Variants in SCARA5 observed in about 807,000 individuals in gnomAD.
SCARA5 encodes the protein scavenger receptor class A, member 5 (putative).
In SCARA5, 45 loss-of-function variants were observed where a neutral mutation model predicts 46.3. That is an observed-to-expected ratio of 0.97 (90% CI 0.76 to 1.24). SCARA5 has a LOEUF of 1.24. SCARA5 is among the 50% of genes most tolerant of loss of function. The probability of loss-of-function intolerance (pLI) is 0.00; values close to 1 mark genes in which losing one functional copy is unlikely to be tolerated. For missense variants in SCARA5, 680 were observed against 689.0 expected (o/e 0.99, Z 0.15); for synonymous variants, 333 against 306.5 (o/e 1.09, Z -0.90).
chr8:27,983,917 C>G (rs1162243908), intron 2 of SCARA5, among the ~76,000 whole-genome samples: 1 of 152,152 alleles, frequency 6.6e-6, no homozygotes, highest in East Asian at 1.9e-4. Context: ...AGTGCCATCT[C>G]TCCTCCCCTC....
chr8:27,908,140 G>C (rs1485078406), intron 5 of SCARA5, among the ~76,000 whole-genome samples: 1 of 133,480 alleles, frequency 7.5e-6, no homozygotes, highest in Admixed American at 8.6e-5. Flanking sequence ...GGGCTTACTG[G>C]TACTTAGGGA....
chr8:27,988,835 A>G (rs923490165), intron 1 of SCARA5, among the ~76,000 whole-genome samples: 1 of 152,204 alleles, frequency 6.6e-6, no homozygotes, highest in African/African-American at 2.4e-5. Context: ...TTTAGAAGAT[A>G]AAAGCCCCAT....
At chr8:27,931,003 G>T (rs1563530077) in intron 3 of SCARA5, among the ~76,000 whole-genome samples, 1 of 152,204 alleles carries the variant, frequency 6.6e-6, no homozygotes, top group Admixed American at 6.5e-5. Flanking sequence ...AAAGGGAGGG[G>T]CCTTCCTTCA....
chr8:27,898,972 A>T (rs1807108502), intron 7 of SCARA5, among the ~76,000 whole-genome samples: 1 of 152,298 alleles, frequency 6.6e-6, no homozygotes, highest in Admixed American at 6.5e-5. Context: ...CCATCCCCAT[A>T]CCTGGCCCTC....
chr8:27,914,738 G>T (rs561464861), intron 4 of SCARA5, among the ~76,000 whole-genome samples: 2 of 152,246 alleles, frequency 1.3e-5, no homozygotes, highest in African/African-American at 2.4e-5. Flanking sequence ...GGAGGAGCAG[G>T]GTCCTGGGGT....
At chr8:27,889,547 C>G (rs574825059) in intron 7 of SCARA5, among the ~76,000 whole-genome samples, 1 of 152,358 alleles carries the variant, frequency 6.6e-6, no homozygotes, top group South Asian at 2.1e-4. Context: ...TCTCCATCTA[C>G]ACCCTCCTTT....
chr8:27,911,697 A>G (rs1241476740), intron 4 of SCARA5, among the ~76,000 whole-genome samples: 1 of 152,222 alleles, frequency 6.6e-6, no homozygotes, highest in Non-Finnish European at 1.5e-5. Flanking sequence ...GTCTCCAAAA[A>G]AAAAGAAAGA....
At chr8:27,899,296 GC>G (rs1334671922) in intron 7 of SCARA5, among the ~76,000 whole-genome samples, 2 of 152,184 alleles carry the variant, frequency 1.3e-5, no homozygotes, top group Non-Finnish European at 2.9e-5. Flanking sequence ...TGGTCAATGT[GC>G]AAAACACCTG....
At chr8:27,952,652 A>G (rs1399348336) in intron 3 of SCARA5, among the ~76,000 whole-genome samples, 1 of 152,254 alleles carries the variant, frequency 6.6e-6, no homozygotes, top group Admixed American at 6.5e-5. Flanking sequence ...AAATTGGTGC[A>G]GTCTTTCTAT....
Position 27,987,438 on chromosome 8 carries a change from T to C in SCARA5, c.112+66A>G, listed in dbSNP as rs192766181. On this transcript the variant is annotated intron_variant, in intron 2 of 8. Coordinates refer to ENST00000354914, the MANE Select transcript of SCARA5 (RefSeq NM_173833.6). ...TAAAGGCAATGCCAAGGTTGGGTGG[T>C]GGTAGGGCTCCTTCCCCACCCCCAG... 3,009 of 1,044,796 alleles carry C rather than the reference T, an allele frequency of 2.9e-3. 11 individuals carry two copies. The highest frequency in any genetic ancestry group is 3.9e-3 in the Non-Finnish European group (2,597 of 664,138). The allele number at this position is 1,044,796 out of a possible 1,614,324, so 64.7% of individuals were successfully genotyped here. A position where few individuals can be genotyped will look rare whatever the true frequency, so the allele number is the denominator to read the frequency against.
At chr8:27,931,130 C>T (rs1394764476) in intron 3 of SCARA5, among the ~76,000 whole-genome samples, 2 of 152,200 alleles carry the variant, frequency 1.3e-5, no homozygotes, top group South Asian at 2.1e-4. Flanking sequence ...AAGAAGTTAT[C>T]AGTAGAGCTC....
intron 3 of SCARA5, among the ~76,000 whole-genome samples, chr8:27,927,300 C>A (rs536546590): frequency 6.6e-6 from 1 of 152,246 alleles, no homozygotes; most frequent in African/African-American, 2.4e-5. Context: ...CATATGGGGA[C>A]GGCTGACAAT....
At chr8:27,891,206 T>TG (rs1171835044) in intron 7 of SCARA5, among the ~76,000 whole-genome samples, 6 of 148,976 alleles carry the variant, frequency 4.0e-5, no homozygotes, top group African/African-American at 9.9e-5. Context: ...TTTGTTTTTT[T>TG]TTTGTTTTTT....
intron 4 of SCARA5, among the ~76,000 whole-genome samples, chr8:27,919,486 G>C (rs2859667): frequency 0.36 from 54,948 of 151,944 alleles, 10,152 homozygotes; most frequent in African/African-American, 0.39. Context: ...GTTTGAAACA[G>C]AGGCAGACCT....
intron 3 of SCARA5, among the ~76,000 whole-genome samples, chr8:27,953,746 G>A (rs1040461242): frequency 2.6e-5 from 4 of 152,262 alleles, no homozygotes; most frequent in African/African-American, 4.8e-5. Flanking sequence ...TGCCCCTGAC[G>A]GGAAGGAGGG....
At chr8:27,879,850 C>A in intron 7 of SCARA5, 84 bp from the exon 8 acceptor site, 6 of 1,342,972 alleles carry the variant, frequency 4.5e-6, no homozygotes, top group Non-Finnish European at 6.2e-6. Flanking sequence ...CCGCCTACCC[C>A]TGGGTAGGAG....
intron 3 of SCARA5, among the ~76,000 whole-genome samples, chr8:27,940,678 C>A (rs1213245028): frequency 7.5e-6 from 1 of 133,922 alleles, no homozygotes; most frequent in South Asian, 3.0e-4. Context: ...ATTTGTCCAC[C>A]CATCTGTCCA....
chr8:27,952,293 G>A (rs1436145212), intron 3 of SCARA5, among the ~76,000 whole-genome samples: 1 of 152,152 alleles, frequency 6.6e-6, no homozygotes, highest in Non-Finnish European at 1.5e-5. Flanking sequence ...CATCCTCCGA[G>A]CTGTGAGAAA....
At chr8:27,944,018 C>T (rs1245522353) in intron 3 of SCARA5, among the ~76,000 whole-genome samples, 1 of 152,226 alleles carries the variant, frequency 6.6e-6, no homozygotes. Context: ...GAAAGTGTTA[C>T]TGCCAAGAAG....
Sources: gnomAD v4.1 joint callset for allele counts (sites outside exome capture counted in the v4.1 genomes callset) on GRCh38, gnomAD v4.1.1 for gene constraint, MANE v1.5 for transcripts, NCBI Gene and HGNC (gene_info 2026-07-23, HGNC 2026-07-21) for gene names.